ZNF66: variants seen among roughly 807,000 people sequenced by gnomAD.
The protein encoded by ZNF66 is putative zinc finger protein 66.
Under a neutral mutation model 35.2 loss-of-function variants are expected in ZNF66, and 32 were observed. That is an observed-to-expected ratio of 0.91 (90% CI 0.69 to 1.22). ZNF66 has a LOEUF of 1.22. Among genes scored for constraint, ZNF66 ranks in the 50% most tolerant of loss-of-function variants. ZNF66 has a pLI of 0.00. For missense variants in ZNF66, 666 were observed against 543.1 expected (o/e 1.23, Z -2.25); for synonymous variants, 231 against 181.3 (o/e 1.27, Z -2.20).
chr19:20,791,553 GAAA>G (rs5827479), intron 1 of ZNF66, among the ~76,000 whole-genome samples: 5 of 149,990 alleles, frequency 3.3e-5, no homozygotes, highest in African/African-American at 1.2e-4. Context: ...CAGAAATTCT[GAAA>G]AAAATTATTA....
intron 1 of ZNF66, among the ~76,000 whole-genome samples, chr19:20,783,241 T>C (rs9636186): frequency 0.55 from 84,269 of 151,898 alleles, 23,402 homozygotes; most frequent in East Asian, 0.6. Flanking sequence ...CTTTCTCTCT[T>C]CTCCTTTTTC....
intron 3 of ZNF66, among the ~76,000 whole-genome samples, chr19:20,798,006 G>T (rs1009464902): frequency 6.6e-6 from 1 of 151,948 alleles, no homozygotes; most frequent in African/African-American, 2.4e-5. Context: ...TCACAATCAG[G>T]TTACATATGT....
chr19:20,784,424 G>A (rs2144894146), intron 1 of ZNF66, among the ~76,000 whole-genome samples: 1 of 152,206 alleles, frequency 6.6e-6, no homozygotes, highest in East Asian at 1.9e-4. Flanking sequence ...GAATAACAAT[G>A]AGTAAACACA....
rs763820389 is a variant in ZNF66, at chr19:20,806,552, T to C, written c.952T>C (p.Cys318Arg). The C allele has an allele frequency of 1.2e-5, 19 of 1,553,516 alleles. 1 individual carries two copies. In the Admixed American group the frequency reaches 2.8e-4, roughly 23 times the overall value. The change falls in exon 4 of 4, where the codon TGT becomes CGT. Residue 318 changes from cysteine to arginine, a missense_variant. Cys to Arg is a radical substitution (Grantham distance 180). Transcript: ENST00000344519. ...AGAGAAACCCTACAAATGTGAAGAA[T>C]GTGGTAAAGCCTTCAACTGGTCCTC... is the stretch of plus-strand genomic sequence containing the variant. ...TGEKPYKCEE[C>R]GKAFNWSSHL...
chr19:20,792,481 T>A, intron 1 of ZNF66, 31 bp from the exon 2 acceptor site: 1 of 1,474,768 alleles, frequency 6.8e-7, no homozygotes, highest in Non-Finnish European at 9.3e-7. Flanking sequence ...CATAACCACT[T>A]GGTGAAAATG....
At position 20,808,663 on chromosome 19, in the gene ZNF66, C is replaced by A. The variant is rs1168573427; in HGVS notation, c.*1341C>A. 6.6e-6 allele frequency among the ~76,000 whole-genome samples: 1 copy of A among 152,110 alleles called. No individual in the cohort carries two copies. The highest frequency in any genetic ancestry group is 2.4e-5 in the African/African-American group (1 of 41,406). On this transcript the variant is annotated 3_prime_UTR_variant, in exon 4 of 4. Transcript: ENST00000344519. ...GTCTGTTAGAAGGAAAACTAACAAA[C>A]AGAAAGGACATCCACACCAAAAACC...
chr19:20,777,291 A>G (rs1971204254), intron 1 of ZNF66, among the ~76,000 whole-genome samples: 1 of 151,966 alleles, frequency 6.6e-6, no homozygotes, highest in Admixed American at 6.6e-5. Flanking sequence ...ACCAAATTCA[A>G]TAATTTGTTA....
intron 1 of ZNF66, among the ~76,000 whole-genome samples, chr19:20,791,803 T>C (rs1971340430): frequency 6.6e-6 from 1 of 152,206 alleles, no homozygotes; most frequent in Admixed American, 6.5e-5. Flanking sequence ...GGTTAATGAT[T>C]CACTTGCTTA....
Position 20,807,445 on chromosome 19 carries a change from A to G in ZNF66, c.*123A>G. On this transcript the variant is annotated 3_prime_UTR_variant, in exon 4 of 4. Transcript: ENST00000344519. Reference sequence around the variant, plus strand: ...TTTACTAAATATGAGAATTTATGGAACACAAACACTACAAATATAAAGAAT... The same window carrying G: ...TTTACTAAATATGAGAATTTATGGAGCACAAACACTACAAATATAAAGAAT... 1 of 544,638 alleles carries G rather than the reference A, an allele frequency of 1.8e-6. No individual in the cohort carries two copies. The highest frequency in any genetic ancestry group is 3.2e-6 in the Non-Finnish European group (1 of 307,836). The allele number at this position is 544,638 out of a possible 1,614,324, so 33.7% of individuals were successfully genotyped here. A position where few individuals can be genotyped will look rare whatever the true frequency, so the allele number is the denominator to read the frequency against.
chr19:20,794,870 C>CTTTTTTT (rs59063566), intron 3 of ZNF66, among the ~76,000 whole-genome samples: 2 of 130,942 alleles, frequency 1.5e-5, no homozygotes, highest in South Asian at 2.4e-4. Context: ...CAACCAGCAA[C>CTTTTTTT]TTTTTTTTTT....
chr19:20,782,272 C>T (rs1971252030), intron 1 of ZNF66, among the ~76,000 whole-genome samples: 1 of 152,202 alleles, frequency 6.6e-6, no homozygotes, highest in African/African-American at 2.4e-5. Context: ...CCCAGTCTAC[C>T]ATTGATAGGC....
chr19:20,792,397 T>C (rs1971346249), intron 1 of ZNF66, 115 bp from the exon 2 acceptor site: 1 of 918,836 alleles, frequency 1.1e-6, no homozygotes, highest in African/African-American at 1.7e-5. Context: ...AGGATAACTT[T>C]AGTCAGTCCT....
At chr19:20,780,848 T>G (rs1971239064) in intron 1 of ZNF66, among the ~76,000 whole-genome samples, 2 of 152,066 alleles carry the variant, frequency 1.3e-5, no homozygotes, top group East Asian at 1.9e-4. Flanking sequence ...GAGCTCTGAT[T>G]ACAGACCCCC....
chr19:20,785,409 T>C (rs766552993), intron 1 of ZNF66, among the ~76,000 whole-genome samples: 1 of 152,248 alleles, frequency 6.6e-6, no homozygotes, highest in Non-Finnish European at 1.5e-5. Context: ...CAGCAGCCAC[T>C]GGGCTTCAAG....
At chr19:20,798,272 G>A (rs1971414080) in intron 3 of ZNF66, among the ~76,000 whole-genome samples, 1 of 151,582 alleles carries the variant, frequency 6.6e-6, no homozygotes, top group Non-Finnish European at 1.5e-5. Flanking sequence ...AACACATAAT[G>A]TAAAATTTAC....
intron 3 of ZNF66, among the ~76,000 whole-genome samples, chr19:20,803,857 T>C (rs748000780): frequency 2.0e-5 from 3 of 152,174 alleles, no homozygotes; most frequent in Non-Finnish European, 2.9e-5. Context: ...ATGCTATTAT[T>C]CTCACTTGAA....
rs181524994 is a variant in ZNF66 at position 20,806,284 on chromosome 19, G to A, written c.684G>A (p.Arg228=). ...AGATAATTCATACTGGAGAGAAACG[G>A]TACAAATGTGAAGACTGTGGCAAAG... ...THKIIHTGEK[R]YKCEDCGKAF... The change falls in exon 4 of 4, where the codon CGG becomes CGA. Residue 228 remains arginine (R), a synonymous_variant. Transcript: ENST00000344519. 27 of 1,470,436 alleles carry A rather than the reference G, an allele frequency of 1.8e-5. No individual in the cohort carries two copies. In the African/African-American group the frequency reaches 2.3e-4, roughly 12 times the overall value. 91.1% of individuals were successfully genotyped at this position (1,470,436 alleles called of 1,614,324 possible). A position where few individuals can be genotyped will look rare whatever the true frequency, so the allele number is the denominator to read the frequency against.
intron 1 of ZNF66, among the ~76,000 whole-genome samples, chr19:20,785,582 A>G (rs1971279640): frequency 1.3e-5 from 2 of 152,256 alleles, no homozygotes; most frequent in East Asian, 1.9e-4. Context: ...AATTATGGTG[A>G]CCATCTTTCC....
At position 20,807,102 on chromosome 19, in the gene ZNF66, G is replaced by T. The variant is rs879060558; in HGVS notation, c.1502G>T (p.Arg501Ile). ...TCCTCTATTCTTACTACACATAAGA[G>T]AATTCATACTGCAGATAAACCCTAC... ...KCSSILTTHK[R>I]IHTADKPYKC... Residue 501 changes from arginine to isoleucine, a missense_variant, in exon 4 of 4, where the codon AGA becomes ATA. Arg to Ile is a moderately conservative substitution (Grantham distance 97). Transcript: ENST00000344519. 5 of 792,802 alleles carry T rather than the reference G, an allele frequency of 6.3e-6. No individual in the cohort carries two copies. Among genetic ancestry groups the T allele is most frequent in the African/African-American group, 1.7e-5 (1 of 58,884 alleles). The allele number at this position is 792,802 out of a possible 1,614,324, so 49.1% of individuals were successfully genotyped here.
Sources: gnomAD v4.1 joint callset for allele counts (sites outside exome capture counted in the v4.1 genomes callset) on GRCh38, gnomAD v4.1.1 for gene constraint, MANE v1.5 for transcripts, NCBI Gene and HGNC (gene_info 2026-07-23, HGNC 2026-07-21) for gene names.